TIAM1: variants seen among roughly 807,000 people sequenced by gnomAD.
The protein encoded by TIAM1 is TIAM Rac1 associated GEF 1.
TIAM1 carries 65 observed loss-of-function variants against 163.5 expected under a neutral mutation model. That is an observed-to-expected ratio of 0.40 (90% confidence interval 0.33 to 0.49). The LOEUF (loss-of-function observed/expected upper bound fraction) is 0.49. Ranked by LOEUF, TIAM1 falls within the 20% of genes least tolerant of loss-of-function variation. TIAM1 has a pLI of 0.77. For synonymous variants in TIAM1, 833 were observed against 810.1 expected (o/e 1.03, Z -0.48); for missense variants, 1,789 against 2,044.7 (o/e 0.87, Z 2.41).
At chr21:31,210,627 A>AGGAAGGG (rs1569031785) in intron 10 of TIAM1, among the ~76,000 whole-genome samples, 8 of 23,294 alleles carry the variant, frequency 3.4e-4, no homozygotes, top group Non-Finnish European at 6.8e-4. Context: ...GAAAGAAAGA[A>AGGAAGGG]AGAAAGAAAG....
intron 1 of TIAM1, among the ~76,000 whole-genome samples, chr21:31,542,288 G>T (rs1209625218): frequency 6.7e-6 from 1 of 148,432 alleles, no homozygotes; most frequent in Non-Finnish European, 1.5e-5. Context: ...TTAGCCGGGC[G>T]TGGTGGTGTG....
At chr21:31,507,289 C>T (rs1343073196) in intron 1 of TIAM1, among the ~76,000 whole-genome samples, 1 of 133,672 alleles carries the variant, frequency 7.5e-6, no homozygotes, top group Non-Finnish European at 1.5e-5. Flanking sequence ...CATGAAACCT[C>T]TGCCTCCTGG....
intron 2 of TIAM1, among the ~76,000 whole-genome samples, chr21:31,285,963 G>C (rs1168086290): frequency 6.6e-6 from 1 of 152,190 alleles, no homozygotes; most frequent in Admixed American, 6.5e-5. Flanking sequence ...TAAGTGGAGA[G>C]GAAGAAAGAG....
intron 1 of TIAM1, among the ~76,000 whole-genome samples, chr21:31,493,889 G>T (rs1238062571): frequency 6.6e-6 from 1 of 151,480 alleles, no homozygotes; most frequent in South Asian, 2.1e-4. Context: ...AGTGAGTTAG[G>T]TTTCTTATGG....
intron 1 of TIAM1, among the ~76,000 whole-genome samples, chr21:31,555,458 T>G (rs2048842732): frequency 6.6e-6 from 1 of 152,100 alleles, no homozygotes; most frequent in South Asian, 2.1e-4. Context: ...TGAAAGTGTG[T>G]TTTTGATACA....
At chr21:31,256,726 ACT>A (rs1461462718) in intron 4 of TIAM1, among the ~76,000 whole-genome samples, 4 of 151,746 alleles carry the variant, frequency 2.6e-5, no homozygotes, top group Non-Finnish European at 5.9e-5. Flanking sequence ...TAGGTAAATG[ACT>A]CTGAACCAAT....
chr21:31,227,482 C>G (rs528455254), intron 6 of TIAM1, among the ~76,000 whole-genome samples: 2 of 152,278 alleles, frequency 1.3e-5, no homozygotes, highest in East Asian at 3.9e-4. Context: ...ATGTGGATAA[C>G]AAATATTTTG....
chr21:31,510,342 C>G (rs867053214), intron 1 of TIAM1, among the ~76,000 whole-genome samples: 4 of 152,174 alleles, frequency 2.6e-5, no homozygotes, highest in Admixed American at 1.3e-4. Flanking sequence ...ATTTCCTCTA[C>G]TCATAAGGAC....
Position 31,141,163 on chromosome 21 carries a change from A to G in TIAM1, c.3729T>C (p.Ala1243=), listed in dbSNP as rs748821517. 2 of 1,614,090 alleles carry G rather than the reference A, an allele frequency of 1.2e-6. No homozygotes were observed. The highest frequency in any genetic ancestry group is 2.7e-5 in the African/African-American group (2 of 74,936). Residue 1243 remains alanine (A), a synonymous_variant, in exon 22 of 28, where the codon GCT becomes GCC. Transcript: ENST00000541036. The surrounding 1 kb of genome is among the most constrained non-coding windows in gnomAD (Gnocchi z 4.7). The part of the protein sequence containing the change: ...EMQKIHEEFG[A]VFDQLIAEQT... ...GTTCAGCAATCAGCTGGTCAAACAC[A>G]GCCCCAAACTCTTCATGGATTTTCT...
intron 1 of TIAM1, among the ~76,000 whole-genome samples, chr21:31,477,544 G>A (rs532843468): frequency 2.8e-5 from 4 of 144,612 alleles, no homozygotes; most frequent in Admixed American, 7.3e-5. Context: ...GCGCAATCTC[G>A]GCTCACTGCA....
At chr21:31,421,560 C>T (rs762217806) in intron 2 of TIAM1, among the ~76,000 whole-genome samples, 1 of 152,210 alleles carries the variant, frequency 6.6e-6, no homozygotes, top group Non-Finnish European at 1.5e-5. Flanking sequence ...TTGCGCACTC[C>T]TTATGAGAAT....
chr21:31,266,729 G>A lies in TIAM1; in HGVS notation c.244C>T (p.Leu82=), dbSNP rs777583795. Residue 82 remains leucine, a synonymous_variant, in exon 4 of 28, where the codon CTA becomes TTA. Coordinates refer to ENST00000541036, the MANE Select transcript of TIAM1 (RefSeq NM_001353694.2). ...GLEPFSQDGT[L]EDFGSPIWVD... Reference sequence around the variant, plus strand: ...CAGATGGGGCTCCCGAAGTCTTCTAGGGTACCATCTTGGGAGAAGGGCTCC... The same window carrying A: ...CAGATGGGGCTCCCGAAGTCTTCTAAGGTACCATCTTGGGAGAAGGGCTCC... The A allele has an allele frequency of 1.2e-5, 20 of 1,614,084 alleles. No homozygotes were observed. The highest frequency in any genetic ancestry group is 6.7e-5 in the Admixed American group (4 of 60,008).
chr21:31,451,875 G>GT (rs1325888108), intron 2 of TIAM1, among the ~76,000 whole-genome samples: 1 of 151,996 alleles, frequency 6.6e-6, no homozygotes, highest in Non-Finnish European at 1.5e-5. Context: ...AGAGTACTTC[G>GT]TAAGTGCAAG....
chr21:31,445,581 C>A (rs2044593342), intron 2 of TIAM1, among the ~76,000 whole-genome samples: 1 of 152,104 alleles, frequency 6.6e-6, no homozygotes, highest in South Asian at 2.1e-4. Context: ...ATTCTATCAC[C>A]CCAAATGCTC....
chr21:31,360,891 T>C (rs571000009), intron 2 of TIAM1, among the ~76,000 whole-genome samples: 8 of 152,260 alleles, frequency 5.3e-5, no homozygotes, highest in African/African-American at 1.9e-4. Context: ...AGAATTGAAA[T>C]GACTAATAAC....
chr21:31,455,037 T>C (rs1602321126), intron 2 of TIAM1, among the ~76,000 whole-genome samples: 1 of 152,040 alleles, frequency 6.6e-6, no homozygotes, highest in Admixed American at 6.6e-5. Context: ...TCCTAGCACT[T>C]TGGGAGGCTG....
intron 1 of TIAM1, among the ~76,000 whole-genome samples, chr21:31,487,423 T>A (rs542114189): frequency 6.6e-6 from 1 of 152,282 alleles, no homozygotes; most frequent in African/African-American, 2.4e-5. Context: ...CAGGCTGAAG[T>A]GCAGTGGTGC....
intron 25 of TIAM1, 34 bp downstream of exon 25, chr21:31,130,179 G>A (rs755805752): frequency 3.9e-6 from 6 of 1,540,320 alleles, no homozygotes; most frequent in Non-Finnish European, 5.4e-6. Flanking sequence ...TCAGAAATAT[G>A]TGTGTGAAAT....
chr21:31,557,049 C>T (rs974265892), intron 1 of TIAM1, among the ~76,000 whole-genome samples: 2 of 152,242 alleles, frequency 1.3e-5, no homozygotes, highest in African/African-American at 4.8e-5. Context: ...CCTTGGTTCA[C>T]TGGCAACTGC....
Sources: allele counts gnomAD v4.1 joint callset (sites outside exome capture counted in the v4.1 genomes callset), GRCh38; gene constraint gnomAD v4.1.1; non-coding constraint Gnocchi (gnomAD v3.1); transcripts MANE v1.5; gene names NCBI Gene and HGNC (gene_info 2026-07-23, HGNC 2026-07-21).